SCARA5: variants seen among roughly 807,000 people sequenced by gnomAD.
SCARA5 encodes the protein scavenger receptor class A, member 5 (putative).
A neutral mutation model predicts 46.3 loss-of-function variants in SCARA5; 45 were observed. The ratio of observed to expected loss-of-function variants is 0.97; its 90% CI spans 0.76 to 1.24. The LOEUF (loss-of-function observed/expected upper bound fraction) is 1.24. SCARA5 is among the 50% of genes most tolerant of loss of function. SCARA5 has a pLI of 0.00. For synonymous variants in SCARA5, 333 were observed against 306.5 expected, an observed-to-expected ratio of 1.09 and a Z score of -0.90; for missense variants, 680 against 689.0, an observed-to-expected ratio of 0.99 and a Z score of 0.15.
At chr8:27,876,710 C>T (rs1276985555) in intron 8 of SCARA5, among the ~76,000 whole-genome samples, 1 of 152,120 alleles carries the variant, frequency 6.6e-6, no homozygotes, top group Admixed American at 6.5e-5. Flanking sequence ...CTGGGGGTGA[C>T]TGAAGCCCCA....
At chr8:27,885,545 A>C (rs17481534) in intron 7 of SCARA5, among the ~76,000 whole-genome samples, 36,210 of 152,146 alleles carry the variant, frequency 0.24, 5,013 homozygotes, top group Middle Eastern at 0.39. Context: ...GGAGGGACTC[A>C]TTAATATGGA....
Position 27,872,024 on chromosome 8 carries a change from C to T in SCARA5, c.1398G>A (p.Glu466=). 6.2e-7 allele frequency: 1 copy of T among 1,614,240 alleles called. No homozygotes were observed. The highest frequency in any genetic ancestry group is 1.6e-4 in the Middle Eastern group (1 of 6,062). ...WMDDVACKGT[E]ETIFRCSFSK... ...AGAAGCTGCAGCGGAAGATGGTTTC[C>T]TCTGTGCCCTTGCAGGCAACGTCAT... is the stretch of plus-strand genomic sequence containing the variant. The change falls in exon 9 of 9, where the codon GAG becomes GAA. Residue 466 remains glutamate, a synonymous_variant. Coordinates refer to ENST00000354914, the MANE Select transcript of SCARA5 (RefSeq NM_173833.6).
chr8:27,873,219 C>T (rs1806668197), intron 8 of SCARA5, among the ~76,000 whole-genome samples: 1 of 152,196 alleles, frequency 6.6e-6, no homozygotes, highest in Non-Finnish European at 1.5e-5. Flanking sequence ...TCCCACGCCG[C>T]CCCTAATCCC....
At chr8:27,875,173 TCCTC>T (rs1202928668) in intron 8 of SCARA5, among the ~76,000 whole-genome samples, 56 of 150,246 alleles carry the variant, frequency 3.7e-4, no homozygotes, top group South Asian at 1.9e-3. Flanking sequence ...CTCCCTCTGT[TCCTC>T]CCTCCCTCCC....
chr8:27,914,710 T>C (rs967461036), intron 4 of SCARA5, among the ~76,000 whole-genome samples: 6 of 152,236 alleles, frequency 3.9e-5, no homozygotes, highest in Non-Finnish European at 7.3e-5. Context: ...GGCCAGGGCA[T>C]GGAGGTGGCT....
At chr8:27,877,961 G>A (rs1229757743) in intron 8 of SCARA5, among the ~76,000 whole-genome samples, 1 of 152,220 alleles carries the variant, frequency 6.6e-6, no homozygotes, top group African/African-American at 2.4e-5. Flanking sequence ...CCTCCAGTCT[G>A]GATGTGACCT....
intron 3 of SCARA5, among the ~76,000 whole-genome samples, chr8:27,926,604 T>C (rs967547346): frequency 2.0e-5 from 3 of 152,112 alleles, no homozygotes; most frequent in Non-Finnish European, 4.4e-5. Context: ...AATTAATAAA[T>C]AAAATAAATT....
intron 2 of SCARA5, among the ~76,000 whole-genome samples, chr8:27,972,012 A>G (rs1808454065): frequency 6.6e-6 from 1 of 152,172 alleles, no homozygotes; most frequent in African/African-American, 2.4e-5. Context: ...GTATCTTCCT[A>G]TTATACATTA....
intron 8 of SCARA5, among the ~76,000 whole-genome samples, chr8:27,874,169 C>T (rs576339018): frequency 6.6e-6 from 1 of 152,344 alleles, no homozygotes; most frequent in African/African-American, 2.4e-5. Context: ...GTTTGAGCTT[C>T]TATGTGTTTA....
intron 2 of SCARA5, among the ~76,000 whole-genome samples, chr8:27,980,338 C>T (rs1808594248): frequency 6.6e-6 from 1 of 152,170 alleles, no homozygotes; most frequent in South Asian, 2.1e-4. Flanking sequence ...CCCCTCTACT[C>T]CAGGGATTAC....
chr8:27,896,720 C>T (rs1807069860), intron 7 of SCARA5, among the ~76,000 whole-genome samples: 1 of 152,088 alleles, frequency 6.6e-6, no homozygotes, highest in Non-Finnish European at 1.5e-5. Flanking sequence ...CCACCATGGC[C>T]CCAAGACCTC....
intron 3 of SCARA5, among the ~76,000 whole-genome samples, chr8:27,951,597 C>A (rs1808128921): frequency 6.6e-6 from 1 of 152,176 alleles, no homozygotes; most frequent in South Asian, 2.1e-4. Flanking sequence ...GTGCAGAGGC[C>A]CGTCCCGTCC....
At chr8:27,926,046 C>T (rs145527197) in intron 3 of SCARA5, among the ~76,000 whole-genome samples, 2,017 of 152,254 alleles carry the variant, frequency 0.013, 50 homozygotes, top group African/African-American at 0.047. Context: ...TGTGGCTATC[C>T]CTCAAGGATC....
At chr8:27,973,899 T>C (rs754194278) in intron 2 of SCARA5, among the ~76,000 whole-genome samples, 1 of 152,216 alleles carries the variant, frequency 6.6e-6, no homozygotes. Context: ...GATTGTATTA[T>C]TCCTAGAGGT....
intron 7 of SCARA5, among the ~76,000 whole-genome samples, chr8:27,887,993 G>A (rs759457454): frequency 6.6e-6 from 1 of 152,112 alleles, no homozygotes; most frequent in Non-Finnish European, 1.5e-5. Context: ...CAGAAACCCA[G>A]AACCAAATGG....
intron 6 of SCARA5, 43 bp downstream of exon 6, chr8:27,907,105 G>T: frequency 6.9e-7 from 1 of 1,449,274 alleles, no homozygotes; most frequent in South Asian, 1.2e-5. Flanking sequence ...TGTGCTGCCT[G>T]GGACTGGTGG....
intron 2 of SCARA5, among the ~76,000 whole-genome samples, chr8:27,986,638 G>T (rs978388208): frequency 6.6e-6 from 1 of 151,722 alleles, no homozygotes; most frequent in Non-Finnish European, 1.5e-5. Flanking sequence ...AGCCACCACG[G>T]TTCTTTCCCT....
chr8:27,929,357 T>C (rs964543525), intron 3 of SCARA5, among the ~76,000 whole-genome samples: 7 of 151,858 alleles, frequency 4.6e-5, no homozygotes, highest in African/African-American at 1.7e-4. Context: ...ATAGGCTGCC[T>C]TCCCCCAATA....
intron 4 of SCARA5, among the ~76,000 whole-genome samples, chr8:27,920,971 G>A (rs977438346): frequency 4.6e-5 from 7 of 151,814 alleles, no homozygotes; most frequent in Non-Finnish European, 8.8e-5. Context: ...GCGAGACTCC[G>A]TCTCAAAAAA....
Sources: allele counts gnomAD v4.1 joint callset (sites outside exome capture counted in the v4.1 genomes callset), GRCh38; gene constraint gnomAD v4.1.1; transcripts MANE v1.5; gene names NCBI Gene and HGNC (gene_info 2026-07-23, HGNC 2026-07-21).